Variants in MBNL2 observed in about 807,000 individuals in gnomAD.
MBNL2 encodes muscleblind-like protein 2.
MBNL2 carries 17 observed loss-of-function variants against 41.9 expected under a neutral mutation model. That is an observed-to-expected ratio of 0.41 (90% CI 0.28 to 0.61). The LOEUF (loss-of-function observed/expected upper bound fraction) is 0.61, where lower values mean the gene tolerates loss of function less well. Among genes scored for constraint, MBNL2 ranks in the 20% least tolerant of loss-of-function variants. The probability of loss-of-function intolerance (pLI) is 0.35; values close to 1 mark genes in which losing one functional copy is unlikely to be tolerated. For synonymous variants in MBNL2, 195 were observed against 182.9 expected, an observed-to-expected ratio of 1.07 and a Z score of -0.53; for missense variants, 336 against 505.6, an observed-to-expected ratio of 0.66 and a Z score of 3.22.
intron 3 of MBNL2, among the ~76,000 whole-genome samples, chr13:97,338,445 T>A (rs375131038): frequency 1.3e-5 from 2 of 152,208 alleles, no homozygotes; most frequent in South Asian, 2.1e-4. Flanking sequence ...TCAATCAATG[T>A]ACACAGTGTT....
chr13:97,331,347 G>T (rs148699202), intron 2 of MBNL2, among the ~76,000 whole-genome samples: 1 of 152,154 alleles, frequency 6.6e-6, no homozygotes, highest in Non-Finnish European at 1.5e-5. Flanking sequence ...AGAAAAGGTC[G>T]AGCCAAGTTA....
At position 97,298,123 on chromosome 13, in the gene MBNL2, C is replaced by T. The variant is rs142492742; in HGVS notation, c.174+21714C>T. On this transcript the variant is annotated intron_variant, in intron 2 of 8. Transcript: ENST00000679496. ...AGCACACCAGCATGGCACATGTATA[C>T]GTATGTAACTAACCTGCACATTGTG... 5.5e-4 allele frequency among the ~76,000 whole-genome samples: 83 copies of T among 151,904 alleles called. 1 individual carries two copies. The East Asian group carries it at 0.014, about 25-fold the overall frequency.
intron 1 of MBNL2, among the ~76,000 whole-genome samples, chr13:97,267,896 A>C (rs2050130523): frequency 6.6e-6 from 1 of 152,228 alleles, no homozygotes; most frequent in Admixed American, 6.5e-5. Flanking sequence ...TTCAGCAAGC[A>C]GCAGGATGCC....
At chr13:97,199,759 G>A in the MBNL2 span, among the ~76,000 whole-genome samples, 1 of 152,230 alleles carries the variant, frequency 6.6e-6, no homozygotes, top group African/African-American at 2.4e-5. Context: ...ACTGACAAAT[G>A]TGGGGACTTT....
At chr13:97,195,280 TC>T in the MBNL2 span, among the ~76,000 whole-genome samples, 1 of 152,100 alleles carries the variant, frequency 6.6e-6, no homozygotes, top group Non-Finnish European at 1.5e-5. Context: ...ATTTCAGTTG[TC>T]CCCCAGCCCA....
chr13:97,243,741 A>G (rs941612312), intron 1 of MBNL2, among the ~76,000 whole-genome samples: 4 of 152,018 alleles, frequency 2.6e-5, no homozygotes, highest in Non-Finnish European at 5.9e-5. Context: ...TTGGAGGGGG[A>G]AAAAACAACA....
chr13:97,322,339 C>A (rs2153042756), intron 2 of MBNL2, among the ~76,000 whole-genome samples: 1 of 152,282 alleles, frequency 6.6e-6, no homozygotes, highest in East Asian at 1.9e-4. Context: ...CAATGCAGGT[C>A]TTTCCTGAGA....
chr13:97,371,943 A>G (rs965055081), intron 8 of MBNL2, among the ~76,000 whole-genome samples: 2 of 152,188 alleles, frequency 1.3e-5, no homozygotes, highest in African/African-American at 4.8e-5. Context: ...CACCTTTCAC[A>G]TGGGCCTTCC....
chr13:97,290,380 G>C (rs2055595544), intron 2 of MBNL2, among the ~76,000 whole-genome samples: 1 of 152,122 alleles, frequency 6.6e-6, no homozygotes, highest in Admixed American at 6.5e-5. Context: ...AAAATCAGCA[G>C]AAACAGCCCT....
intron 2 of MBNL2, among the ~76,000 whole-genome samples, chr13:97,285,955 GC>G (rs1214000617): frequency 1.3e-5 from 2 of 152,098 alleles, no homozygotes; most frequent in African/African-American, 2.4e-5. Context: ...ATCCATGGTG[GC>G]ACCTGACTCT....
the MBNL2 span, among the ~76,000 whole-genome samples, chr13:97,173,699 C>T: frequency 1.3e-5 from 2 of 152,170 alleles, no homozygotes; most frequent in South Asian, 2.1e-4. Context: ...CACTCTAAAC[C>T]TACCACTTCC....
At chr13:97,153,983 GTTAACT>G in the MBNL2 span, among the ~76,000 whole-genome samples, 1 of 152,258 alleles carries the variant, frequency 6.6e-6, no homozygotes, top group African/African-American at 2.4e-5. Flanking sequence ...TCCAGTAAAT[GTTAACT>G]TTATGAATTG....
chr13:97,227,194 G>T (rs1459995091), intron 1 of MBNL2, among the ~76,000 whole-genome samples: 1 of 152,176 alleles, frequency 6.6e-6, no homozygotes, highest in African/African-American at 2.4e-5. Flanking sequence ...ACGCAGCCTG[G>T]GGGAGAGCTG....
the MBNL2 span, among the ~76,000 whole-genome samples, chr13:97,158,446 TG>T: frequency 6.6e-6 from 1 of 152,210 alleles, no homozygotes; most frequent in African/African-American, 2.4e-5. Flanking sequence ...AGCTTTTGAA[TG>T]TGTTTGCTCT....
chr13:97,320,323 G>A (rs1343344075), intron 2 of MBNL2, among the ~76,000 whole-genome samples: 2 of 150,076 alleles, frequency 1.3e-5, no homozygotes, highest in Admixed American at 1.3e-4. Context: ...GCAATGGTGC[G>A]ATCTCGGCTC....
intron 2 of MBNL2, among the ~76,000 whole-genome samples, chr13:97,320,536 G>A (rs188277085): frequency 4.6e-5 from 7 of 151,884 alleles, no homozygotes; most frequent in Middle Eastern, 6.8e-3. Flanking sequence ...AATTACAGGC[G>A]TGAGCCACTG....
chr13:97,155,874 T>G, the MBNL2 span, among the ~76,000 whole-genome samples: 1 of 144,952 alleles, frequency 6.9e-6, no homozygotes, highest in South Asian at 2.3e-4. Flanking sequence ...CATGTGTCTT[T>G]ATAGCAGCAT....
intron 2 of MBNL2, among the ~76,000 whole-genome samples, chr13:97,327,000 G>A (rs1297643344): frequency 6.6e-6 from 1 of 152,156 alleles, no homozygotes; most frequent in East Asian, 1.9e-4. Context: ...TCTAACCACA[G>A]CCTTTATTGC....
At chr13:97,353,222 A>C (rs1263177004) in intron 5 of MBNL2, among the ~76,000 whole-genome samples, 13 of 152,178 alleles carry the variant, frequency 8.5e-5, no homozygotes, top group Non-Finnish European at 1.9e-4. Context: ...AACCCAAAGG[A>C]ATGTAGTTTC....
Sources: gnomAD v4.1 joint callset for allele counts (sites outside exome capture counted in the v4.1 genomes callset) on GRCh38, gnomAD v4.1.1 for gene constraint, MANE v1.5 for transcripts, NCBI Gene and HGNC (gene_info 2026-07-23, HGNC 2026-07-21) for gene names.